ABLIM2: variants seen among roughly 807,000 people sequenced by gnomAD.
ABLIM2 encodes the protein actin binding LIM protein family member 2, also known as actin-binding LIM protein 2.
A neutral mutation model predicts 97.7 loss-of-function variants in ABLIM2; 53 were observed. The observed-to-expected ratio is 0.54, with a 90% CI of 0.44 to 0.68. The LOEUF is 0.68. ABLIM2 is among the 30% of genes least tolerant of loss of function. The pLI is 0.00. For missense variants in ABLIM2, 835 were observed against 867.2 expected (o/e 0.96, Z 0.47); for synonymous variants, 361 against 345.8 (o/e 1.04, Z -0.49).
rs1158189833 is a variant in ABLIM2, at chr4:8,085,640, A to G, written c.454+2529T>C. ...ACGCTGCAGCCCTGTCCACTCACGC[A>G]GGTCTGGGGGTGCCCACGCTGCAGC... On this transcript the variant is annotated intron_variant, in intron 4 of 20. Transcript: ENST00000447017. The surrounding 1 kb of genome is among the most constrained non-coding windows in gnomAD (Gnocchi z 6.1). Among the ~76,000 whole-genome samples the G allele has an allele frequency of 4.9e-4, 42 of 86,152 alleles. No homozygotes were observed. Among genetic ancestry groups the G allele is most frequent in the Non-Finnish European group, 6.3e-4 (28 of 44,264 alleles). The allele number at this position is 86,152 out of a possible 152,430, so 56.5% of individuals were successfully genotyped here. A position where few individuals can be genotyped will look rare whatever the true frequency, so the allele number is the denominator to read the frequency against.
intron 6 of ABLIM2, among the ~76,000 whole-genome samples, chr4:8,074,776 CTTTTTTT>C (rs71175458): frequency 1.9e-5 from 2 of 105,046 alleles, no homozygotes; most frequent in Admixed American, 1.1e-4. Context: ...CCTGGTAATT[CTTTTTTT>C]TTTTTTTTTT....
chr4:8,117,122 G>A (rs1043657775), intron 1 of ABLIM2, among the ~76,000 whole-genome samples: 6 of 152,166 alleles, frequency 3.9e-5, no homozygotes, highest in African/African-American at 1.4e-4. Context: ...GAAGGGAAAT[G>A]CCCTTCAAAT....
chr4:8,127,701 A>G lies in ABLIM2; in HGVS notation c.11-21064T>C, dbSNP rs1848624781. 6 of 1,245,780 alleles carry G rather than the reference A, an allele frequency of 4.8e-6. No individual in the cohort carries two copies. The highest frequency in any genetic ancestry group is 2.5e-5 in the Admixed American group (1 of 39,964). 77.2% of individuals were successfully genotyped at this position (1,245,780 alleles called of 1,614,324 possible). A position where few individuals can be genotyped will look rare whatever the true frequency, so the allele number is the denominator to read the frequency against. On this transcript the variant is annotated intron_variant, in intron 1 of 20. Coordinates refer to ENST00000447017, the MANE Select transcript of ABLIM2 (RefSeq NM_001130083.2). The surrounding 1 kb of genome is among the most constrained non-coding windows in gnomAD (Gnocchi z 7.3). Reference sequence around the variant, plus strand: ...CTCTGTGGCCCACAGGGCTCCCACAAGGTCACGTGGCAGCTGCCACCCTCT... The same window carrying G: ...CTCTGTGGCCCACAGGGCTCCCACAGGGTCACGTGGCAGCTGCCACCCTCT...
Position 8,155,216 on chromosome 4 carries a change from C to T in ABLIM2, c.10+3464G>A, listed in dbSNP as rs1048527571. Among the ~76,000 whole-genome samples, 1 of 152,156 alleles carries T rather than the reference C, an allele frequency of 6.6e-6. No homozygotes were observed. The highest frequency in any genetic ancestry group is 1.5e-5 in the Non-Finnish European group (1 of 68,034). On this transcript the variant is annotated intron_variant, in intron 1 of 20. Coordinates refer to ENST00000447017, the MANE Select transcript of ABLIM2 (RefSeq NM_001130083.2). This position sits in a 1 kb window ranked among gnomAD's most constrained non-coding sequence, Gnocchi z 4.2. Reference sequence around the variant, plus strand: ...GCTCATATTCCATCACTGGCTTCCACGGTTTGGTGGTTTCTAACATTTTGT... The same window carrying T: ...GCTCATATTCCATCACTGGCTTCCATGGTTTGGTGGTTTCTAACATTTTGT...
In ABLIM2 at chr4:8,061,146, C is replaced by T. The variant is rs1043479124; in HGVS notation, c.676-92G>A. 4 of 1,022,108 alleles carry T rather than the reference C, an allele frequency of 3.9e-6. No individual in the cohort carries two copies. In the African/African-American group the frequency reaches 6.4e-5, roughly 16 times the overall value. The allele number at this position is 1,022,108 out of a possible 1,614,324, so 63.3% of individuals were successfully genotyped here. A position where few individuals can be genotyped will look rare whatever the true frequency, so the allele number is the denominator to read the frequency against. On this transcript the variant is annotated intron_variant, in intron 6 of 20. Coordinates refer to ENST00000447017, the MANE Select transcript of ABLIM2 (RefSeq NM_001130083.2). This position sits in a 1 kb window ranked among gnomAD's most constrained non-coding sequence, Gnocchi z 4.5. ...CGGCATGGATACAGCATGCCCTGAG[C>T]ACAGGTACTCAGGGGATACTGGAAG...
intron 11 of ABLIM2, among the ~76,000 whole-genome samples, chr4:8,028,511 T>G (rs1778881701): frequency 6.6e-6 from 1 of 152,228 alleles, no homozygotes; most frequent in Admixed American, 6.5e-5. Context: ...ATTCAATCAC[T>G]CATTTACTCG....
At chr4:8,024,009 T>A (rs1406742705) in intron 12 of ABLIM2, among the ~76,000 whole-genome samples, 1 of 152,160 alleles carries the variant, frequency 6.6e-6, no homozygotes, top group Non-Finnish European at 1.5e-5. Context: ...TCCTGGGTCC[T>A]CAACCACAAT....
intron 2 of ABLIM2, among the ~76,000 whole-genome samples, chr4:8,106,120 G>A (rs935673643): frequency 2.6e-5 from 4 of 152,218 alleles, no homozygotes; most frequent in African/African-American, 7.2e-5. Flanking sequence ...AAGGTCCCGC[G>A]TGTCCCCCAC....
chr4:8,158,659 C>A, intron 1 of ABLIM2, 21 bp downstream of exon 1: 1 of 1,503,780 alleles, frequency 6.6e-7, no homozygotes, highest in Non-Finnish European at 8.8e-7. Context: ...ACCCGTTGGT[C>A]CCTCGGTCCC....
intron 20 of ABLIM2, among the ~76,000 whole-genome samples, chr4:7,975,358 C>T (rs1732124041): frequency 6.6e-6 from 1 of 152,256 alleles, no homozygotes; most frequent in African/African-American, 2.4e-5. Flanking sequence ...GTTGGCACCA[C>T]CTGATTCATC....
At chr4:8,013,568 G>A (rs532594178) in intron 14 of ABLIM2, among the ~76,000 whole-genome samples, 2 of 152,282 alleles carry the variant, frequency 1.3e-5, no homozygotes, top group African/African-American at 4.8e-5. Context: ...AATAATAGAT[G>A]CTATGAACCT....
chr4:8,013,198 T>C (rs554096505), intron 14 of ABLIM2, among the ~76,000 whole-genome samples: 2 of 150,628 alleles, frequency 1.3e-5, no homozygotes, highest in East Asian at 2.0e-4. Flanking sequence ...CACTGTATTG[T>C]GGTCTGGATA....
At chr4:8,050,985 C>G (rs374214135) in intron 8 of ABLIM2, among the ~76,000 whole-genome samples, 43 of 152,388 alleles carry the variant, frequency 2.8e-4, no homozygotes, top group African/African-American at 9.1e-4. Context: ...TCCTCCTCTG[C>G]TGGCAGCATC....
Position 8,046,508 on chromosome 4 carries a change from GC to G in ABLIM2, c.823-1268del. Among the ~76,000 whole-genome samples, 1 of 152,100 alleles carries G rather than the reference GC, an allele frequency of 6.6e-6. No homozygotes were observed. Among genetic ancestry groups the G allele is most frequent in the Admixed American group, 6.5e-5 (1 of 15,282 alleles). ...GAGCTCAGCCCTCACTCTCCCCACG[GC>G]CCCCACGTCCTCTGCTGCTTCGATG... is the stretch of plus-strand genomic sequence containing the variant. On this transcript the variant is annotated intron_variant, in intron 8 of 20. Coordinates refer to ENST00000447017, the MANE Select transcript of ABLIM2 (RefSeq NM_001130083.2). The surrounding 1 kb of genome is among the most constrained non-coding windows in gnomAD (Gnocchi z 4.4).
intron 15 of ABLIM2, among the ~76,000 whole-genome samples, chr4:8,008,726 G>A (rs1329503965): frequency 1.3e-5 from 2 of 152,242 alleles, no homozygotes; most frequent in African/African-American, 4.8e-5. Flanking sequence ...GGCCCTTTAT[G>A]AAGAACGTCT....
chr4:8,054,345 C>G lies in ABLIM2; in HGVS notation c.764-99G>C, dbSNP rs76649018. 4 of 1,282,832 alleles carry G rather than the reference C, an allele frequency of 3.1e-6. No individual in the cohort carries two copies. The highest frequency in any genetic ancestry group is 3.8e-5 in the Admixed American group (2 of 53,214). The allele number at this position is 1,282,832 out of a possible 1,614,324, so 79.5% of individuals were successfully genotyped here. ...AGGAGGGAGCTGGTCCATGCACAGA[C>G]GTGCACTCGGACTCCACCCTCCAAG... On this transcript the variant is annotated intron_variant, in intron 7 of 20. Transcript: ENST00000447017. This position sits in a 1 kb window ranked among gnomAD's most constrained non-coding sequence, Gnocchi z 4.9.
intron 20 of ABLIM2, among the ~76,000 whole-genome samples, chr4:7,969,275 G>A (rs1725588841): frequency 6.6e-6 from 1 of 152,084 alleles, no homozygotes; most frequent in Admixed American, 6.6e-5. Flanking sequence ...GCAACATGGT[G>A]AGACTCCATC....
intron 20 of ABLIM2, among the ~76,000 whole-genome samples, chr4:7,978,669 C>A (rs1240499795): frequency 6.6e-6 from 1 of 152,188 alleles, no homozygotes. Flanking sequence ...AGCAGGAACC[C>A]TCCCAGCAGT....
At chr4:8,018,393 T>C (rs768361061) in intron 14 of ABLIM2, among the ~76,000 whole-genome samples, 1 of 152,190 alleles carries the variant, frequency 6.6e-6, no homozygotes, top group Non-Finnish European at 1.5e-5. Flanking sequence ...TCCCCACTTG[T>C]AACCCAAGGG....
Sources: gnomAD v4.1 joint callset for allele counts (sites outside exome capture counted in the v4.1 genomes callset) on GRCh38, gnomAD v4.1.1 for gene constraint, Gnocchi (gnomAD v3.1) non-coding constraint, MANE v1.5 for transcripts, NCBI Gene and HGNC (gene_info 2026-07-23, HGNC 2026-07-21) for gene names.